HPSE2: variants seen among roughly 807,000 people sequenced by gnomAD.
HPSE2 encodes inactive heparanase-2.
In HPSE2, 38 loss-of-function variants were observed where a neutral mutation model predicts 60.5. The observed-to-expected ratio is 0.63, with a 90% confidence interval of 0.48 to 0.82. HPSE2 has a LOEUF of 0.82. HPSE2 is among the 40% of genes least tolerant of loss of function. The probability of loss-of-function intolerance (pLI) is 0.00; values close to 1 mark genes in which losing one functional copy is unlikely to be tolerated. For missense variants in HPSE2, 713 were observed against 740.4 expected (o/e 0.96, Z 0.43); for synonymous variants, 295 against 293.2 (o/e 1.01, Z -0.06).
chr10:98,989,127 C>T (rs1166494935), intron 3 of HPSE2, among the ~76,000 whole-genome samples: 3 of 151,972 alleles, frequency 2.0e-5, no homozygotes, highest in African/African-American at 7.3e-5. Context: ...ACCACTTGAC[C>T]CAGCCATCCC....
chr10:98,587,921 T>C (rs1230388408), intron 9 of HPSE2, among the ~76,000 whole-genome samples: 1 of 152,208 alleles, frequency 6.6e-6, no homozygotes, highest in Admixed American at 6.5e-5. Flanking sequence ...AAAGAATACA[T>C]GAAATAGCTA....
chr10:98,998,583 T>G (rs1278965255), intron 3 of HPSE2, among the ~76,000 whole-genome samples: 1 of 152,222 alleles, frequency 6.6e-6, no homozygotes, highest in Non-Finnish European at 1.5e-5. Flanking sequence ...CAAACTTTTC[T>G]GGATGCTAGA....
chr10:99,210,681 C>T (rs1278114389), intron 2 of HPSE2, among the ~76,000 whole-genome samples: 1 of 152,150 alleles, frequency 6.6e-6, no homozygotes, highest in East Asian at 1.9e-4. Flanking sequence ...TTATGATCAT[C>T]TCAACAGATG....
chr10:98,985,078 T>A (rs959925373), intron 3 of HPSE2, among the ~76,000 whole-genome samples: 1 of 152,122 alleles, frequency 6.6e-6, no homozygotes, highest in Non-Finnish European at 1.5e-5. Context: ...CAGGATATTA[T>A]CCAGGAGAAT....
chr10:98,580,847 TGTGTGTGTGTGTGTGTG>T (rs1944777349), intron 9 of HPSE2, among the ~76,000 whole-genome samples: 1 of 148,740 alleles, frequency 6.7e-6, no homozygotes, highest in African/African-American at 2.5e-5. Flanking sequence ...TGTGTGTGTG[TGTGTGTGTGTGTGTGTG>T]ATAAACATGA....
intron 5 of HPSE2, among the ~76,000 whole-genome samples, chr10:98,708,158 A>G (rs1394725735): frequency 2.0e-5 from 3 of 152,162 alleles, no homozygotes; most frequent in African/African-American, 7.2e-5. Context: ...TAGTTTCATT[A>G]TATTTAAAAA....
At chr10:98,749,304 G>C (rs1197576743) in intron 3 of HPSE2, among the ~76,000 whole-genome samples, 1 of 151,814 alleles carries the variant, frequency 6.6e-6, no homozygotes, top group African/African-American at 2.4e-5. Context: ...TTATTAAGCA[G>C]TTACTACGTG....
At chr10:98,679,968 C>T (rs1947743593) in intron 6 of HPSE2, among the ~76,000 whole-genome samples, 1 of 152,120 alleles carries the variant, frequency 6.6e-6, no homozygotes, top group Non-Finnish European at 1.5e-5. Flanking sequence ...AGCCACTGGG[C>T]CCAGCCATGT....
At chr10:99,094,541 T>TATATATATATATATA (rs1491238747) in intron 3 of HPSE2, among the ~76,000 whole-genome samples, 19 of 13,666 alleles carry the variant, frequency 1.4e-3, no homozygotes, top group South Asian at 3.1e-3. Context: ...TATATATATA[T>TATATATATATATATA]TTTTTTTTTT....
In HPSE2 at chr10:98,457,840, C is replaced by T. The variant is rs984027111; in HGVS notation, c.*1734G>A. 6.6e-6 allele frequency: 1 copy of T among 152,398 alleles called. No individual in the cohort carries two copies. Among genetic ancestry groups the T allele is most frequent in the African/African-American group, 2.4e-5 (1 of 41,418 alleles). The allele number at this position is 152,398 out of a possible 1,614,324, so 9.4% of individuals were successfully genotyped here. A position where few individuals can be genotyped will look rare whatever the true frequency, so the allele number is the denominator to read the frequency against. On this transcript the variant is annotated 3_prime_UTR_variant, in exon 12 of 12. Transcript: ENST00000370552. Reference sequence around the variant, plus strand: ...GGTCTCAGGGTCTGCCCCTCTCTCTCCAGTTGCTTCCATGCTGAGCACAGC... The same window carrying T: ...GGTCTCAGGGTCTGCCCCTCTCTCTTCAGTTGCTTCCATGCTGAGCACAGC...
Position 99,143,428 on chromosome 10 carries a change from C to CT in HPSE2, c.610+809dup, listed in dbSNP as rs1386407532. On this transcript the variant is annotated intron_variant, in intron 3 of 11. Coordinates refer to ENST00000370552, the MANE Select transcript of HPSE2 (RefSeq NM_021828.5). ...GTTCATAGCCTGTCAGACAATCCAT[C>CT]TTTTTATTTTTTTAATATTCATAAA... Among the ~76,000 whole-genome samples the CT allele has an allele frequency of 1.1e-4, 16 of 152,188 alleles. No individual in the cohort carries two copies. In the East Asian group the frequency reaches 3.1e-3, roughly 29 times the overall value.
At chr10:98,499,145 C>T (rs1439748037) in intron 9 of HPSE2, among the ~76,000 whole-genome samples, 1 of 152,080 alleles carries the variant, frequency 6.6e-6, no homozygotes, top group Non-Finnish European at 1.5e-5. Flanking sequence ...ACAAGAAGCA[C>T]AAAAATCACC....
intron 8 of HPSE2, among the ~76,000 whole-genome samples, chr10:98,617,641 C>A (rs1945950002): frequency 6.6e-6 from 1 of 152,128 alleles, no homozygotes. Flanking sequence ...AATAACAAGA[C>A]CCCTCAGAGA....
chr10:99,205,365 G>C (rs2133894652), intron 2 of HPSE2, among the ~76,000 whole-genome samples: 2 of 152,174 alleles, frequency 1.3e-5, no homozygotes, highest in Middle Eastern at 3.4e-3. Flanking sequence ...GAGGCGAGTG[G>C]ATCATGAGGT....
intron 2 of HPSE2, among the ~76,000 whole-genome samples, chr10:99,174,262 C>G (rs10883287): frequency 0.49 from 75,129 of 152,138 alleles, 21,733 homozygotes; most frequent in Non-Finnish European, 0.64. Flanking sequence ...GACATCTGAA[C>G]TCTCATAGCA....
At chr10:98,739,729 T>C (rs1040441076) in intron 4 of HPSE2, among the ~76,000 whole-genome samples, 2 of 152,194 alleles carry the variant, frequency 1.3e-5, no homozygotes, top group African/African-American at 2.4e-5. Flanking sequence ...GGTATGAATA[T>C]ATAATATTGA....
chr10:98,722,472 G>A (rs1948951886), intron 4 of HPSE2, among the ~76,000 whole-genome samples: 2 of 151,956 alleles, frequency 1.3e-5, no homozygotes, highest in South Asian at 4.2e-4. Context: ...AAATATCAGA[G>A]AAGCAATTTT....
At chr10:98,676,830 A>G (rs1027310710) in intron 6 of HPSE2, among the ~76,000 whole-genome samples, 1 of 152,078 alleles carries the variant, frequency 6.6e-6, no homozygotes, top group Non-Finnish European at 1.5e-5. Flanking sequence ...GTGCGTGCAT[A>G]GTATTCTCTT....
chr10:99,306,483 C>T, the HPSE2 span, among the ~76,000 whole-genome samples: 1 of 84,240 alleles, frequency 1.2e-5, no homozygotes, highest in Non-Finnish European at 2.4e-5. Flanking sequence ...TGCTTTGCAA[C>T]CTGCCCTGTT....
Sources: allele counts gnomAD v4.1 joint callset (sites outside exome capture counted in the v4.1 genomes callset), GRCh38; gene constraint gnomAD v4.1.1; transcripts MANE v1.5; gene names NCBI Gene and HGNC (gene_info 2026-07-23, HGNC 2026-07-21).